GSAP: variants seen among roughly 807,000 people sequenced by gnomAD.
GSAP encodes the protein gamma-secretase-activating protein.
In GSAP, 118 loss-of-function variants were observed where a neutral mutation model predicts 131.7. The ratio of observed to expected loss-of-function variants is 0.90; its 90% confidence interval spans 0.77 to 1.04. The LOEUF is 1.04. GSAP is among the 50% of genes least tolerant of loss of function. The pLI is 0.00. For missense variants in GSAP, 1,019 were observed against 1,013.2 expected (o/e 1.01, Z -0.08); for synonymous variants, 381 against 363.4 (o/e 1.05, Z -0.55).
intron 12 of GSAP, among the ~76,000 whole-genome samples, chr7:77,371,983 G>C (rs962856857): frequency 6.6e-6 from 1 of 152,094 alleles, no homozygotes; most frequent in South Asian, 2.1e-4. Flanking sequence ...ACCAGACTTA[G>C]CATCACTAAC....
intron 26 of GSAP, among the ~76,000 whole-genome samples, chr7:77,319,792 T>C (rs1182077150): frequency 6.6e-6 from 1 of 152,186 alleles, no homozygotes; most frequent in Non-Finnish European, 1.5e-5. Context: ...ACAGGACAGA[T>C]ACTGCATGAT....
chr7:77,336,373 A>G (rs1193450109), intron 19 of GSAP, among the ~76,000 whole-genome samples: 2 of 152,220 alleles, frequency 1.3e-5, no homozygotes, highest in Non-Finnish European at 2.9e-5. Flanking sequence ...AACAGAAACA[A>G]GAATCCTCCA....
chr7:77,354,636 G>A (rs1793380194), intron 16 of GSAP, among the ~76,000 whole-genome samples: 6 of 150,798 alleles, frequency 4.0e-5, no homozygotes, highest in Admixed American at 3.3e-4. Context: ...GGTGAATAAT[G>A]TACATTGTTA....
intron 23 of GSAP, among the ~76,000 whole-genome samples, chr7:77,325,969 G>T (rs1788282844): frequency 6.6e-6 from 1 of 152,100 alleles, no homozygotes; most frequent in Non-Finnish European, 1.5e-5. Flanking sequence ...TTTTATCATG[G>T]TTTGTAAATT....
chr7:77,372,275 T>C (rs1430210991), intron 12 of GSAP, among the ~76,000 whole-genome samples: 2 of 152,178 alleles, frequency 1.3e-5, no homozygotes, highest in Non-Finnish European at 2.9e-5. Flanking sequence ...GAGTAGGACA[T>C]GAGAATTGTT....
At chr7:77,415,055 T>C (rs1331211197) in intron 1 of GSAP, among the ~76,000 whole-genome samples, 2 of 151,878 alleles carry the variant, frequency 1.3e-5, no homozygotes, top group African/African-American at 4.8e-5. Flanking sequence ...TTGACCACCC[T>C]CTCCACCTCG....
At chr7:77,368,187 G>C (rs1277925807) in intron 12 of GSAP, among the ~76,000 whole-genome samples, 2 of 152,056 alleles carry the variant, frequency 1.3e-5, no homozygotes, top group Admixed American at 6.5e-5. Context: ...CTCCTAGGTG[G>C]GCTGTCATCC....
intron 19 of GSAP, among the ~76,000 whole-genome samples, chr7:77,333,027 C>T (rs753541515): frequency 3.9e-5 from 6 of 152,020 alleles, no homozygotes; most frequent in Non-Finnish European, 7.4e-5. Context: ...ATTAGCTGGG[C>T]GTGGTCGCAT....
chr7:77,404,645 A>G (rs1801933766), intron 2 of GSAP, 30 bp from the exon 3 acceptor site: 4 of 1,250,108 alleles, frequency 3.2e-6, no homozygotes, highest in Admixed American at 1.8e-5. Context: ...TGTTTATTAA[A>G]TGTCATTGTT....
chr7:77,414,627 C>A (rs1019054446), intron 1 of GSAP, among the ~76,000 whole-genome samples: 2 of 152,134 alleles, frequency 1.3e-5, no homozygotes, highest in African/African-American at 4.8e-5. Context: ...GAAGCCAGGT[C>A]CCAGTGGGTC....
chr7:77,330,256 T>G lies in GSAP; in HGVS notation c.1657A>C (p.Asn553His). ...NNSVVRREWH[N>H]LISEEKTGKR... ...ACTCATACCTCTTCAGAGATCAGGT[T>G]GTGCCACTCTCTCCTGACCACACTG... is the stretch of plus-strand genomic sequence containing the variant. Residue 553 changes from asparagine to histidine, a missense_variant, in exon 20 of 31, where the codon AAC becomes CAC. Coordinates refer to ENST00000257626, the MANE Select transcript of GSAP (RefSeq NM_017439.4). The G allele has an allele frequency of 6.2e-7, 1 of 1,612,776 alleles. No homozygotes were observed. Among genetic ancestry groups the G allele is most frequent in the Admixed American group, 1.7e-5 (1 of 59,850 alleles).
intron 6 of GSAP, among the ~76,000 whole-genome samples, chr7:77,383,359 C>T (rs371330526): frequency 6.6e-6 from 1 of 151,804 alleles, no homozygotes; most frequent in Non-Finnish European, 1.5e-5. Flanking sequence ...TCGATATAGT[C>T]GTTGTGCAAC....
intron 12 of GSAP, among the ~76,000 whole-genome samples, chr7:77,364,954 AAT>A (rs1333382545): frequency 6.6e-6 from 1 of 152,108 alleles, no homozygotes. Context: ...AAATGTGGAT[AAT>A]ATGACTGAAG....
intron 12 of GSAP, among the ~76,000 whole-genome samples, chr7:77,371,210 A>G (rs1386550577): frequency 6.6e-6 from 1 of 152,150 alleles, no homozygotes; most frequent in East Asian, 1.9e-4. Flanking sequence ...AAACGACACT[A>G]CTGTTCACTC....
At chr7:77,370,945 T>TTC (rs1339765955) in intron 12 of GSAP, among the ~76,000 whole-genome samples, 1 of 152,206 alleles carries the variant, frequency 6.6e-6, no homozygotes, top group Non-Finnish European at 1.5e-5. Flanking sequence ...TCTCCAGACA[T>TTC]TCTTTTTTCC....
intron 23 of GSAP, among the ~76,000 whole-genome samples, chr7:77,324,330 G>A (rs981035139): frequency 7.9e-5 from 12 of 151,986 alleles, no homozygotes; most frequent in African/African-American, 2.9e-4. Context: ...GATCATCCTT[G>A]GGCCTCCCCA....
Position 77,409,021 on chromosome 7 carries a change from T to C in GSAP, c.110-2916A>G, listed in dbSNP as rs1011404262. On this transcript the variant is annotated intron_variant, in intron 1 of 30. Transcript: ENST00000257626. ...TCCCCACCCCTCACAAGCAGCAGCT[T>C]AGTGGGTCTCCTAGGGGCAGGGCAA... 3.3e-5 allele frequency among the ~76,000 whole-genome samples: 5 copies of C among 152,236 alleles called. No homozygotes were observed. The South Asian group carries it at 8.3e-4, about 25-fold the overall frequency.
chr7:77,357,812 G>A (rs2079357), intron 14 of GSAP, among the ~76,000 whole-genome samples: 13,340 of 152,166 alleles, frequency 0.088, 639 homozygotes, highest in South Asian at 0.23. Context: ...CTTTGGTTTA[G>A]CCCCTTCAAG....
intron 5 of GSAP, among the ~76,000 whole-genome samples, chr7:77,391,605 T>G (rs762850579): frequency 3.3e-5 from 5 of 152,044 alleles, no homozygotes; most frequent in Non-Finnish European, 5.9e-5. Flanking sequence ...AGGAAGATCA[T>G]TTGAGGCCAG....
Sources: gnomAD v4.1 joint callset for allele counts (sites outside exome capture counted in the v4.1 genomes callset) on GRCh38, gnomAD v4.1.1 for gene constraint, MANE v1.5 for transcripts, NCBI Gene and HGNC (gene_info 2026-07-23, HGNC 2026-07-21) for gene names.